The following MACROD2 variants were observed in gnomAD, a reference collection of about 807,000 sequenced individuals.
The protein encoded by MACROD2 is ADP-ribose glycohydrolase MACROD2.
Under a neutral mutation model 70.4 loss-of-function variants are expected in MACROD2, and 36 were observed. The observed-to-expected ratio is 0.51, with a 90% CI of 0.39 to 0.68. MACROD2 has a LOEUF of 0.68. MACROD2 is among the 30% of genes least tolerant of loss of function. The pLI, the probability that MACROD2 is intolerant of heterozygous loss-of-function variation, is 0.00. For missense variants in MACROD2, 496 were observed against 538.4 expected, an observed-to-expected ratio of 0.92 and a Z score of 0.78; for synonymous variants, 172 against 178.8, an observed-to-expected ratio of 0.96 and a Z score of 0.30.
intron 3 of MACROD2, among the ~76,000 whole-genome samples, chr20:14,236,221 G>T (rs1201773157): frequency 6.6e-6 from 1 of 152,020 alleles, no homozygotes; most frequent in Non-Finnish European, 1.5e-5. Context: ...ATGCAAAATT[G>T]TACTAGTCAT....
intron 5 of MACROD2, among the ~76,000 whole-genome samples, chr20:15,144,860 A>G (rs561951872): frequency 1.3e-5 from 2 of 152,170 alleles, no homozygotes; most frequent in African/African-American, 4.8e-5. Context: ...AGTACTTACT[A>G]TGCTTACTAT....
At chr20:15,878,409 A>G (rs917581021) in intron 9 of MACROD2, among the ~76,000 whole-genome samples, 8 of 152,090 alleles carry the variant, frequency 5.3e-5, no homozygotes, top group African/African-American at 1.9e-4. Flanking sequence ...CTTTCCCCAG[A>G]GCTTTGGATG....
chr20:15,850,856 G>A (rs6043575), intron 8 of MACROD2, among the ~76,000 whole-genome samples: 4,281 of 152,190 alleles, frequency 0.028, 214 homozygotes, highest in African/African-American at 0.098. Context: ...CATGTATAGC[G>A]TATATTGACT....
intron 4 of MACROD2, among the ~76,000 whole-genome samples, chr20:14,620,581 G>A (rs1182716241): frequency 6.6e-6 from 1 of 151,966 alleles, no homozygotes; most frequent in African/African-American, 2.4e-5. Flanking sequence ...AAAAAATTAC[G>A]TAGGCTCCTT....
At chr20:14,087,260 A>G (rs2054089004) in intron 3 of MACROD2, among the ~76,000 whole-genome samples, 2 of 152,000 alleles carry the variant, frequency 1.3e-5, no homozygotes, top group Non-Finnish European at 2.9e-5. Context: ...GCCAGGTGTG[A>G]TGGCGAGTGC....
chr20:15,618,659 G>T (rs1468515507), intron 8 of MACROD2, among the ~76,000 whole-genome samples: 1 of 152,148 alleles, frequency 6.6e-6, no homozygotes, highest in East Asian at 1.9e-4. Flanking sequence ...CTGATGGGCA[G>T]GGGCTTCTGC....
Position 15,707,819 on chromosome 20 carries a change from TA to T in MACROD2, c.646-154915del, listed in dbSNP as rs556668823. ...AAAAACAACAAATACTTACAAAACG[TA>T]AAAAAAAAAATCCCTTTAGATATTT... On this transcript the variant is annotated intron_variant, in intron 8 of 17. Transcript: ENST00000684519. Among the ~76,000 whole-genome samples the T allele has an allele frequency of 1.0e-3, 144 of 144,122 alleles. 1 individual carries two copies. Among genetic ancestry groups the T allele is most frequent in the Admixed American group, 1.8e-3 (26 of 14,448 alleles). The allele number at this position is 144,122 out of a possible 152,430, so 94.5% of individuals were successfully genotyped here. A position where few individuals can be genotyped will look rare whatever the true frequency, so the allele number is the denominator to read the frequency against.
At chr20:14,692,561 G>A (rs918521990) in intron 5 of MACROD2, among the ~76,000 whole-genome samples, 2 of 152,132 alleles carry the variant, frequency 1.3e-5, no homozygotes, top group African/African-American at 4.8e-5. Context: ...TTTACTGGAG[G>A]ACTTAATGAA....
chr20:14,082,167 C>CTT (rs1160554294), intron 2 of MACROD2, among the ~76,000 whole-genome samples: 3 of 57,748 alleles, frequency 5.2e-5, no homozygotes, highest in African/African-American at 1.4e-4. Flanking sequence ...CCATACCTTT[C>CTT]TTTTTTTTTC....
At chr20:14,253,847 C>T (rs1254661155) in intron 3 of MACROD2, among the ~76,000 whole-genome samples, 3 of 152,032 alleles carry the variant, frequency 2.0e-5, no homozygotes, top group Non-Finnish European at 4.4e-5. Context: ...GAGATACAGA[C>T]GTGCATTTAT....
intron 8 of MACROD2, among the ~76,000 whole-genome samples, chr20:15,560,878 A>G (rs993482943): frequency 1.3e-4 from 20 of 151,686 alleles, no homozygotes; most frequent in African/African-American, 4.8e-4. Flanking sequence ...GTTTATGTCT[A>G]AAACAGAAGG....
chr20:15,473,764 TTCC>T (rs1234593482), intron 7 of MACROD2, among the ~76,000 whole-genome samples: 2 of 152,226 alleles, frequency 1.3e-5, no homozygotes, highest in African/African-American at 4.8e-5. Context: ...CCTGACTTGT[TTCC>T]TTTCTCTAGT....
chr20:14,649,344 C>G (rs1177842077), intron 4 of MACROD2, among the ~76,000 whole-genome samples: 1 of 152,048 alleles, frequency 6.6e-6, no homozygotes, highest in Non-Finnish European at 1.5e-5. Flanking sequence ...AGATATAGAC[C>G]AATACTGATA....
intron 2 of MACROD2, among the ~76,000 whole-genome samples, chr20:14,041,866 A>C (rs2053395920): frequency 6.6e-6 from 1 of 152,108 alleles, no homozygotes; most frequent in South Asian, 2.1e-4. Context: ...CTGCTCACAA[A>C]ATCCAATAGC....
At position 15,595,709 on chromosome 20, in the gene MACROD2, A is replaced by G. The variant is rs563131372; in HGVS notation, c.645+95862A>G. Among the ~76,000 whole-genome samples, 4 of 152,336 alleles carry G rather than the reference A, an allele frequency of 2.6e-5. No individual in the cohort carries two copies. The South Asian group carries it at 8.3e-4, about 32-fold the overall frequency. On this transcript the variant is annotated intron_variant, in intron 8 of 17. Coordinates refer to ENST00000684519, the MANE Select transcript of MACROD2 (RefSeq NM_001351661.2). ...ATCTAATTCTTTAAAAATTACACAT[A>G]TATACAAATAGAAGTTAAAGTGGGA...
intron 5 of MACROD2, among the ~76,000 whole-genome samples, chr20:15,173,671 G>C (rs118127595): frequency 1.3e-5 from 2 of 152,106 alleles, no homozygotes; most frequent in African/African-American, 4.8e-5. Context: ...GGAAGTCAAA[G>C]GTTATAGCTT....
intron 7 of MACROD2, among the ~76,000 whole-genome samples, chr20:15,468,511 AC>A (rs1224220592): frequency 6.6e-6 from 1 of 152,060 alleles, no homozygotes; most frequent in Non-Finnish European, 1.5e-5. Flanking sequence ...AAACAGTTTG[AC>A]TCAAGAAAAA....
intron 8 of MACROD2, among the ~76,000 whole-genome samples, chr20:15,838,729 A>G (rs770095620): frequency 6.6e-6 from 1 of 152,198 alleles, no homozygotes; most frequent in Non-Finnish European, 1.5e-5. Flanking sequence ...AATAAAAGTG[A>G]TAAGCATCAT....
At chr20:15,925,954 T>C (rs1006211825) in intron 10 of MACROD2, among the ~76,000 whole-genome samples, 1 of 152,160 alleles carries the variant, frequency 6.6e-6, no homozygotes, top group African/African-American at 2.4e-5. Flanking sequence ...CTATTTGAGT[T>C]TATTTTGGGT....
Sources: allele counts gnomAD v4.1 joint callset (sites outside exome capture counted in the v4.1 genomes callset), GRCh38; gene constraint gnomAD v4.1.1; transcripts MANE v1.5; gene names NCBI Gene and HGNC (gene_info 2026-07-23, HGNC 2026-07-21).